Variants in AFG2A observed in about 807,000 individuals in gnomAD.
The protein encoded by AFG2A is AAA ATPase AFG2A, also known as ATPase family gene 2 protein homolog A.
the AFG2A span, among the ~76,000 whole-genome samples, chr4:123,294,078 C>T: frequency 6.6e-6 from 1 of 152,168 alleles, no homozygotes; most frequent in Non-Finnish European, 1.5e-5. Flanking sequence ...TTTCTGATGC[C>T]ACAGGCTGTG....
chr4:123,028,416 A>G, the AFG2A span: 1 of 1,605,376 alleles, frequency 6.2e-7, no homozygotes. Context: ...AAATTTTTTA[A>G]TCGCTACTCT....
the AFG2A span, among the ~76,000 whole-genome samples, chr4:122,945,741 C>G: frequency 6.6e-6 from 1 of 152,224 alleles, no homozygotes; most frequent in Non-Finnish European, 1.5e-5. Context: ...CTGTGTTGCT[C>G]ACGCTGGGAG....
At chr4:123,265,359 A>G in the AFG2A span, among the ~76,000 whole-genome samples, 1 of 152,124 alleles carries the variant, frequency 6.6e-6, no homozygotes, top group Non-Finnish European at 1.5e-5. Flanking sequence ...TTGCAAAATT[A>G]TAATATTGTT....
chr4:123,268,715 C>T, the AFG2A span, among the ~76,000 whole-genome samples: 2 of 152,056 alleles, frequency 1.3e-5, no homozygotes, highest in Admixed American at 1.3e-4. Context: ...CATGCAAGAC[C>T]TAAAACATGT....
the AFG2A span, among the ~76,000 whole-genome samples, chr4:123,219,781 C>A: frequency 6.6e-6 from 1 of 151,970 alleles, no homozygotes; most frequent in Non-Finnish European, 1.5e-5. Context: ...AACAAGAAAA[C>A]CTTGACCCTG....
the AFG2A span, among the ~76,000 whole-genome samples, chr4:123,045,599 C>T: frequency 1.3e-5 from 2 of 152,114 alleles, no homozygotes; most frequent in Non-Finnish European, 2.9e-5. Context: ...GACATTCCCT[C>T]ATGATTAGAT....
At chr4:123,197,806 C>T in the AFG2A span, among the ~76,000 whole-genome samples, 1 of 151,598 alleles carries the variant, frequency 6.6e-6, no homozygotes, top group African/African-American at 2.4e-5. Flanking sequence ...AGCATACATA[C>T]TTTACCTTCA....
At chr4:123,218,249 T>A in the AFG2A span, among the ~76,000 whole-genome samples, 1 of 152,244 alleles carries the variant, frequency 6.6e-6, no homozygotes, top group Non-Finnish European at 1.5e-5. Context: ...TACTGGCTTA[T>A]GTGCAGGCAA....
the AFG2A span, among the ~76,000 whole-genome samples, chr4:123,053,144 C>T: frequency 6.6e-6 from 1 of 152,192 alleles, no homozygotes; most frequent in Admixed American, 6.5e-5. Flanking sequence ...CCTCCGGCAA[C>T]ATCCTCATAG....
At chr4:122,980,175 A>G in the AFG2A span, among the ~76,000 whole-genome samples, 19 of 152,170 alleles carry the variant, frequency 1.2e-4, no homozygotes, top group Non-Finnish European at 1.5e-4. Flanking sequence ...GAACCTTTAT[A>G]TAAATGGAAT....
the AFG2A span, among the ~76,000 whole-genome samples, chr4:123,203,298 T>G: frequency 0.82 from 124,026 of 151,606 alleles, 51,185 homozygotes; most frequent in Non-Finnish European, 0.86. Context: ...TTACAGGTGC[T>G]CTCCACCACG....
At chr4:123,024,764 C>T in the AFG2A span, among the ~76,000 whole-genome samples, 124,104 of 152,114 alleles carry the variant, frequency 0.82, 52,232 homozygotes, top group East Asian at 0.96. Flanking sequence ...TCGAGCACCC[C>T]GGAGTGTGCT....
the AFG2A span, chr4:122,979,401 T>A: frequency 6.2e-7 from 1 of 1,613,304 alleles, no homozygotes; most frequent in Non-Finnish European, 8.5e-7. Flanking sequence ...GTCATTTATG[T>A]CCCACACTAG....
At chr4:123,099,288 C>G in the AFG2A span, among the ~76,000 whole-genome samples, 10 of 152,006 alleles carry the variant, frequency 6.6e-5, no homozygotes, top group East Asian at 1.2e-3. Context: ...AACATATTCT[C>G]TCATTTTATA....
At chr4:123,057,756 C>T in the AFG2A span, among the ~76,000 whole-genome samples, 32 of 152,056 alleles carry the variant, frequency 2.1e-4, no homozygotes, top group Admixed American at 5.2e-4. Flanking sequence ...AGTTTTGCTC[C>T]AAAATCTCAG....
At chr4:123,242,719 A>C in the AFG2A span, among the ~76,000 whole-genome samples, 8 of 152,174 alleles carry the variant, frequency 5.3e-5, no homozygotes, top group Non-Finnish European at 8.8e-5. Context: ...ACACCGAAAG[A>C]AATGGCAACA....
the AFG2A span, among the ~76,000 whole-genome samples, chr4:123,064,741 T>A: frequency 6.6e-6 from 1 of 152,204 alleles, no homozygotes; most frequent in African/African-American, 2.4e-5. Flanking sequence ...TGAATCATAC[T>A]CCTTAGCTGA....
the AFG2A span, among the ~76,000 whole-genome samples, chr4:123,307,489 C>A: frequency 2.6e-5 from 4 of 152,140 alleles, no homozygotes; most frequent in African/African-American, 9.7e-5. Flanking sequence ...GGTTTTTTCC[C>A]TCAGTTTCTG....
chr4:122,958,426 A>G, the AFG2A span, among the ~76,000 whole-genome samples: 1 of 152,226 alleles, frequency 6.6e-6, no homozygotes, highest in African/African-American at 2.4e-5. Context: ...TGAGTTTGAC[A>G]CTAAGAGACT....
Sources: allele counts gnomAD v4.1 joint callset (sites outside exome capture counted in the v4.1 genomes callset), GRCh38; gene constraint gnomAD v4.1.1; transcripts MANE v1.5; gene names NCBI Gene and HGNC (gene_info 2026-07-23, HGNC 2026-07-21).